PTPRD: variants seen among roughly 807,000 people sequenced by gnomAD.
PTPRD encodes the protein receptor-type tyrosine-protein phosphatase delta.
Under a neutral mutation model 214.5 loss-of-function variants are expected in PTPRD, and 34 were observed. The ratio of observed to expected loss-of-function variants is 0.16; its 90% CI spans 0.12 to 0.21. The LOEUF (loss-of-function observed/expected upper bound fraction) is 0.21, where lower values mean the gene tolerates loss of function less well. PTPRD is among the 10% of genes least tolerant of loss of function. PTPRD has a pLI of 1.00. For synonymous variants in PTPRD, 1,128 were observed against 845.7 expected (o/e 1.33, Z -5.79); for missense variants, 2,545 against 2,398.7 (o/e 1.06, Z -1.27).
intron 2 of PTPRD, among the ~76,000 whole-genome samples, chr9:10,511,956 A>G (rs1274558703): frequency 3.6e-5 from 3 of 82,220 alleles, no homozygotes; most frequent in Non-Finnish European, 4.9e-5. Flanking sequence ...ACGTGTGTGT[A>G]TATATATATA....
At chr9:8,384,662 G>T (rs577460395) in intron 37 of PTPRD, among the ~76,000 whole-genome samples, 1 of 152,108 alleles carries the variant, frequency 6.6e-6, no homozygotes, top group South Asian at 2.1e-4. Context: ...GAGTAGCTGG[G>T]ATTACAGGCG....
At chr9:9,619,768 T>C (rs1016439531) in intron 7 of PTPRD, among the ~76,000 whole-genome samples, 5 of 146,566 alleles carry the variant, frequency 3.4e-5, no homozygotes, top group South Asian at 2.1e-4. Flanking sequence ...ATATAATCTA[T>C]ATAAGTATAT....
At chr9:8,748,600 A>C (rs2093155856) in intron 11 of PTPRD, among the ~76,000 whole-genome samples, 1 of 151,252 alleles carries the variant, frequency 6.6e-6, no homozygotes, top group Non-Finnish European at 1.5e-5. Context: ...ACTAGGGTCA[A>C]AACTATTCAT....
intron 5 of PTPRD, among the ~76,000 whole-genome samples, chr9:9,818,815 C>A (rs889229614): frequency 6.7e-6 from 1 of 148,356 alleles, no homozygotes; most frequent in Non-Finnish European, 1.5e-5. Context: ...ACTCGGGAGG[C>A]TGAGGCTGGA....
chr9:9,456,676 A>C (rs2093050933), intron 8 of PTPRD, among the ~76,000 whole-genome samples: 1 of 151,892 alleles, frequency 6.6e-6, no homozygotes, highest in Non-Finnish European at 1.5e-5. Flanking sequence ...CATTTCATAC[A>C]TATCTGTATT....
chr9:10,435,471 C>T (rs2098711178), intron 2 of PTPRD, among the ~76,000 whole-genome samples: 1 of 151,854 alleles, frequency 6.6e-6, no homozygotes, highest in African/African-American at 2.4e-5. Flanking sequence ...TAAAGAGGAA[C>T]AGAGCCAGTT....
intron 9 of PTPRD, among the ~76,000 whole-genome samples, chr9:9,253,701 T>C (rs774111636): frequency 3.0e-4 from 45 of 152,264 alleles, no homozygotes; most frequent in South Asian, 8.3e-4. Flanking sequence ...CGTAGTCCTC[T>C]TTCCTTTGGG....
At chr9:8,564,152 A>T (rs556436077) in intron 14 of PTPRD, among the ~76,000 whole-genome samples, 1 of 1,230 alleles carries the variant, frequency 8.1e-4, no homozygotes, top group Admixed American at 0.015. Context: ...ATAAGCAACC[A>T]ATACACTATA....
At chr9:10,560,987 C>G (rs187140462) in intron 2 of PTPRD, among the ~76,000 whole-genome samples, 2 of 152,244 alleles carry the variant, frequency 1.3e-5, no homozygotes, top group Admixed American at 6.5e-5. Flanking sequence ...GGGAGAAATT[C>G]TGTTCGGATA....
chr9:9,595,031 A>G (rs117105905), intron 7 of PTPRD, among the ~76,000 whole-genome samples: 4,003 of 151,996 alleles, frequency 0.026, 84 homozygotes, highest in Middle Eastern at 0.058. Flanking sequence ...CAAAACCACA[A>G]TGCAATACTA....
intron 5 of PTPRD, among the ~76,000 whole-genome samples, chr9:9,827,432 G>T (rs1470607535): frequency 6.6e-6 from 1 of 152,146 alleles, no homozygotes; most frequent in Non-Finnish European, 1.5e-5. Flanking sequence ...AATAAATGGT[G>T]CTGGGAAAAC....
At position 8,499,680 on chromosome 9, in the gene PTPRD, G is replaced by A. The variant is rs2097352238; in HGVS notation, c.2289C>T (p.Pro763=). ...RMENGEPKGQ[P]MLKDVMLADA... ...CAGCCAGCATGACATCTTTCAGCAT[G>A]GGCTGGCCCTTGGGCTCACCATTTT... Residue 763 remains proline, a synonymous_variant, in exon 25 of 46, where the codon CCC becomes CCT. Transcript: ENST00000381196. 1.2e-6 allele frequency: 2 copies of A among 1,613,760 alleles called. No individual in the cohort carries two copies. Among genetic ancestry groups the A allele is most frequent in the East Asian group, 2.2e-5 (1 of 44,876 alleles).
chr9:9,589,360 T>C (rs533909123), intron 7 of PTPRD, among the ~76,000 whole-genome samples: 73 of 152,050 alleles, frequency 4.8e-4, no homozygotes, highest in African/African-American at 1.7e-3. Context: ...GTCTTTCCCT[T>C]TTAAAAGGTT....
At chr9:9,007,252 C>T (rs1567550253) in intron 11 of PTPRD, among the ~76,000 whole-genome samples, 3 of 150,830 alleles carry the variant, frequency 2.0e-5, no homozygotes, top group African/African-American at 4.9e-5. Context: ...TAGACTTCTT[C>T]ACTCTACCCT....
At chr9:10,217,411 G>T (rs923264786) in intron 3 of PTPRD, among the ~76,000 whole-genome samples, 2 of 151,774 alleles carry the variant, frequency 1.3e-5, no homozygotes, top group African/African-American at 4.8e-5. Flanking sequence ...TTAATGAGTG[G>T]TTTGTACTCC....
chr9:10,220,279 C>A (rs937954680), intron 3 of PTPRD, among the ~76,000 whole-genome samples: 1 of 151,792 alleles, frequency 6.6e-6, no homozygotes, highest in Non-Finnish European at 1.5e-5. Context: ...ATGTTGCAGG[C>A]ACTATTATTA....
intron 7 of PTPRD, among the ~76,000 whole-genome samples, chr9:9,614,773 G>C (rs2094750956): frequency 6.6e-6 from 1 of 152,098 alleles, no homozygotes. Context: ...ACACAGAACT[G>C]AAAAAGCTGT....
At chr9:8,765,195 G>A (rs1433673665) in intron 11 of PTPRD, among the ~76,000 whole-genome samples, 5 of 152,188 alleles carry the variant, frequency 3.3e-5, no homozygotes, top group African/African-American at 1.2e-4. Flanking sequence ...CAAATTATCT[G>A]ATACTCTTCC....
chr9:9,538,515 G>C (rs1426160910), intron 8 of PTPRD, among the ~76,000 whole-genome samples: 1 of 151,826 alleles, frequency 6.6e-6, no homozygotes. Flanking sequence ...GCATGAGTCA[G>C]TCTGCCATCC....
Sources: allele counts gnomAD v4.1 joint callset (sites outside exome capture counted in the v4.1 genomes callset), GRCh38; gene constraint gnomAD v4.1.1; transcripts MANE v1.5; gene names NCBI Gene and HGNC (gene_info 2026-07-23, HGNC 2026-07-21).